The following RDH12 variants were observed in gnomAD, a reference collection of about 807,000 sequenced individuals.
RDH12 encodes retinol dehydrogenase 12.
Under a neutral mutation model 34.0 loss-of-function variants are expected in RDH12, and 21 were observed. That is an observed-to-expected ratio of 0.62 (90% CI 0.44 to 0.89). The LOEUF (loss-of-function observed/expected upper bound fraction) is 0.89, where lower values mean the gene tolerates loss of function less well. Ranked by LOEUF, RDH12 falls within the 40% of genes least tolerant of loss-of-function variation. RDH12 has a pLI of 0.00. For synonymous variants in RDH12, 198 were observed against 169.9 expected (o/e 1.17, Z -1.29); for missense variants, 394 against 398.6 (o/e 0.99, Z 0.10).
At chr14:67,707,463 C>A (rs2037963135) in intron 1 of RDH12, among the ~76,000 whole-genome samples, 1 of 152,142 alleles carries the variant, frequency 6.6e-6, no homozygotes, top group Admixed American at 6.5e-5. Context: ...GAGTCTCACT[C>A]TGCTGCCCAG....
At chr14:67,731,609 TATC>T (rs1290757942) in intron 8 of RDH12, among the ~76,000 whole-genome samples, 1 of 152,014 alleles carries the variant, frequency 6.6e-6, no homozygotes, top group Non-Finnish European at 1.5e-5. Flanking sequence ...AGTCATTAAA[TATC>T]ATATTTTAAT....
chr14:67,727,282 C>T lies in RDH12; in HGVS notation c.658+92C>T, dbSNP rs777009950. The T allele has an allele frequency of 1.7e-3, 1,492 of 903,866 alleles. 36 individuals carry two copies. Among genetic ancestry groups the T allele is most frequent in the Non-Finnish European group, 2.4e-4 (136 of 567,758 alleles). The allele number at this position is 903,866 out of a possible 1,614,324, so 56.0% of individuals were successfully genotyped here. A position where few individuals can be genotyped will look rare whatever the true frequency, so the allele number is the denominator to read the frequency against. Reference sequence around the variant, plus strand: ...GGGAAGTCAGGCTGTCAAACATGCACGTGTCAGTAATATCTCTGTGGACTA... The same window carrying T: ...GGGAAGTCAGGCTGTCAAACATGCATGTGTCAGTAATATCTCTGTGGACTA... On this transcript the variant is annotated intron_variant, in intron 7 of 8. Coordinates refer to ENST00000551171, the MANE Select transcript of RDH12 (RefSeq NM_152443.3).
At chr14:67,710,719 G>A (rs1483673245) in intron 1 of RDH12, among the ~76,000 whole-genome samples, 4 of 150,644 alleles carry the variant, frequency 2.7e-5, no homozygotes, top group Non-Finnish European at 5.9e-5. Flanking sequence ...TTTTTTTAAA[G>A]GACACACTTT....
intron 1 of RDH12, among the ~76,000 whole-genome samples, chr14:67,707,594 A>T (rs996800529): frequency 1.3e-5 from 2 of 152,132 alleles, no homozygotes; most frequent in Non-Finnish European, 1.5e-5. Flanking sequence ...ACACCCAGCT[A>T]ATTTTTATAT....
chr14:67,704,353 A>T (rs1271360852), intron 1 of RDH12, among the ~76,000 whole-genome samples: 2 of 152,214 alleles, frequency 1.3e-5, no homozygotes, highest in African/African-American at 4.8e-5. Flanking sequence ...AGGCATTTTT[A>T]AAATAATTTT....
chr14:67,733,570 T>G (rs1316538561), intron 8 of RDH12, among the ~76,000 whole-genome samples, 176 bp from the exon 9 acceptor site: 1 of 152,278 alleles, frequency 6.6e-6, no homozygotes, highest in Non-Finnish European at 1.5e-5. Context: ...TGTGTATTAC[T>G]ATATCACAAA....
chr14:67,730,852 C>T (rs975632442), intron 8 of RDH12, among the ~76,000 whole-genome samples: 1 of 152,182 alleles, frequency 6.6e-6, no homozygotes, highest in Non-Finnish European at 1.5e-5. Flanking sequence ...GATCCACCTG[C>T]CTTGGCCTCC....
intron 1 of RDH12, among the ~76,000 whole-genome samples, chr14:67,704,542 G>A (rs1047511209): frequency 1.3e-5 from 2 of 152,064 alleles, no homozygotes; most frequent in African/African-American, 4.8e-5. Flanking sequence ...GCTTATCTAG[G>A]CACTTGCAAG....
intron 8 of RDH12, among the ~76,000 whole-genome samples, chr14:67,731,018 A>G (rs1388509813): frequency 6.6e-6 from 1 of 152,178 alleles, no homozygotes; most frequent in East Asian, 1.9e-4. Context: ...TATTGATTGC[A>G]TGCTAAAATG....
At chr14:67,726,801 T>C (rs1486975149) in intron 6 of RDH12, among the ~76,000 whole-genome samples, 180 bp from the exon 7 acceptor site, 1 of 152,220 alleles carries the variant, frequency 6.6e-6, no homozygotes, top group African/African-American at 2.4e-5. Flanking sequence ...AGTCTAGCTC[T>C]GGCTCTTGCT....
intron 1 of RDH12, among the ~76,000 whole-genome samples, chr14:67,712,324 T>C: frequency 6.6e-6 from 1 of 152,138 alleles, no homozygotes; most frequent in South Asian, 2.1e-4. Context: ...AACCATGTGA[T>C]GCTTTTATAG....
intron 7 of RDH12, 198 bp downstream of exon 7, chr14:67,727,388 CA>C: frequency 1.8e-6 from 1 of 561,890 alleles, no homozygotes; most frequent in Non-Finnish European, 3.2e-6. Context: ...TTAAGAACCT[CA>C]AAAAGTTACC....
rs373530023 is a variant in RDH12 at position 67,702,171 on chromosome 14, G to A, written c.-275+236G>A. ...TTAAATGGAGATGAGATCTCATTAT[G>A]TTGCCCAGGCTGGTCTCAAACTCCT... On this transcript the variant is annotated intron_variant, in intron 1 of 8. Transcript: ENST00000551171. Among the ~76,000 whole-genome samples the A allele has an allele frequency of 3.9e-5, 6 of 151,962 alleles. No individual in the cohort carries two copies. In the East Asian group the frequency reaches 5.8e-4, roughly 15 times the overall value.
At chr14:67,728,808 A>T (rs1040824225) in intron 7 of RDH12, among the ~76,000 whole-genome samples, 1 of 151,554 alleles carries the variant, frequency 6.6e-6, no homozygotes, top group East Asian at 1.9e-4. Flanking sequence ...AGTCCTACCC[A>T]CCACCTTCCA....
At position 67,716,025 on chromosome 14, in the gene RDH12, C is replaced by T. The variant is rs561403462; in HGVS notation, c.-274-4823C>T. ...CCTGGCTAACATGGTGAAACCCCGTCTCTACTAAAAATACAAAAAAAATTA... is the reference window on the plus strand; with the variant it reads ...CCTGGCTAACATGGTGAAACCCCGTTTCTACTAAAAATACAAAAAAAATTA... On this transcript the variant is annotated intron_variant, in intron 1 of 8. Coordinates refer to ENST00000551171, the MANE Select transcript of RDH12 (RefSeq NM_152443.3). Among the ~76,000 whole-genome samples the T allele has an allele frequency of 3.0e-4, 46 of 152,126 alleles. 1 individual carries two copies. The highest frequency in any genetic ancestry group is 1.1e-3 in the African/African-American group (45 of 41,518).
At chr14:67,713,090 AC>A (rs2038027993) in intron 1 of RDH12, among the ~76,000 whole-genome samples, 1 of 152,124 alleles carries the variant, frequency 6.6e-6, no homozygotes, top group African/African-American at 2.4e-5. Context: ...AAACAATGGC[AC>A]AACTTATATG....
intron 1 of RDH12, among the ~76,000 whole-genome samples, chr14:67,719,766 C>T (rs963844584): frequency 1.3e-5 from 2 of 152,218 alleles, no homozygotes; most frequent in Non-Finnish European, 2.9e-5. Flanking sequence ...ATGTAAGCCA[C>T]AGTGCCCAAC....
At chr14:67,723,796 C>T (rs537630773) in intron 3 of RDH12, among the ~76,000 whole-genome samples, 8 of 152,336 alleles carry the variant, frequency 5.3e-5, no homozygotes, top group African/African-American at 9.6e-5. Context: ...TCTGCCCCTC[C>T]GTATTCTGTT....
intron 2 of RDH12, among the ~76,000 whole-genome samples, chr14:67,722,154 G>A (rs542312304): frequency 2.2e-4 from 33 of 152,086 alleles, no homozygotes; most frequent in Admixed American, 7.2e-4. Context: ...CTCTTCTGAC[G>A]TCTCTCTCCA....
Sources: gnomAD v4.1 joint callset for allele counts (sites outside exome capture counted in the v4.1 genomes callset) on GRCh38, gnomAD v4.1.1 for gene constraint, MANE v1.5 for transcripts, NCBI Gene and HGNC (gene_info 2026-07-23, HGNC 2026-07-21) for gene names.